The following CLMP variants were observed in gnomAD, a reference collection of about 807,000 sequenced individuals.
CLMP encodes CXADR-like membrane protein.
In CLMP, 27 loss-of-function variants were observed where a neutral mutation model predicts 45.2. The ratio of observed to expected loss-of-function variants is 0.60; its 90% confidence interval spans 0.44 to 0.82. The LOEUF is 0.82. CLMP is among the 40% of genes least tolerant of loss of function. CLMP has a pLI of 0.00. For synonymous variants in CLMP, 167 were observed against 171.4 expected, an observed-to-expected ratio of 0.97 and a Z score of 0.20; for missense variants, 403 against 448.4, an observed-to-expected ratio of 0.90 and a Z score of 0.91.
At chr11:123,136,038 G>T (rs1350351943) in intron 1 of CLMP, 13 of 586,140 alleles carry the variant, frequency 2.2e-5, no homozygotes, top group Non-Finnish European at 4.4e-5. Flanking sequence ...TGCTTTGTTC[G>T]CTCGTTTCTT....
chr11:123,082,264 T>A (rs1340850527), intron 5 of CLMP, among the ~76,000 whole-genome samples: 2 of 152,230 alleles, frequency 1.3e-5, no homozygotes, highest in Non-Finnish European at 1.5e-5. Flanking sequence ...TGAATTTCTT[T>A]AGGGGGCTGG....
At chr11:123,118,626 G>C (rs951113714) in intron 1 of CLMP, among the ~76,000 whole-genome samples, 4 of 152,162 alleles carry the variant, frequency 2.6e-5, no homozygotes, top group Admixed American at 1.3e-4. Flanking sequence ...GACTAACCCA[G>C]ACTTCCACTT....
At chr11:123,120,828 A>G (rs1565388584) in intron 1 of CLMP, among the ~76,000 whole-genome samples, 1 of 152,082 alleles carries the variant, frequency 6.6e-6, no homozygotes, top group Non-Finnish European at 1.5e-5. Flanking sequence ...ATTCAGAGAT[A>G]CTAAAAAGCT....
chr11:123,097,788 T>C lies in CLMP; in HGVS notation c.186+7A>G, dbSNP rs113227209. ...GGAGGAGGGACTCCAGCCAGGTGTC[T>C]ACTTACCACTTTTTGGTTCCCTTCA... On this transcript the variant is annotated splice_region_variant and intron_variant, in intron 2 of 6. Transcript: ENST00000448775. 3.7e-5 allele frequency: 58 copies of C among 1,577,158 alleles called. No homozygotes were observed. The African/African-American group carries it at 7.3e-4, about 20-fold the overall frequency.
rs77429336 is a variant in CLMP at position 123,122,272 on chromosome 11, T to G, written c.29-24320A>C. Among the ~76,000 whole-genome samples the G allele has an allele frequency of 2.6e-3, 402 of 152,290 alleles. 6 individuals carry two copies. Among genetic ancestry groups the G allele is most frequent in the African/African-American group, 9.4e-3 (390 of 41,558 alleles). On this transcript the variant is annotated intron_variant, in intron 1 of 6. Transcript: ENST00000448775. ...TTCAAGAGACCCTCTCAAGCTTTCC[T>G]AGTACTGGGATTACAGGCGTGAGCC...
At chr11:123,113,081 A>G (rs1860665819) in intron 1 of CLMP, among the ~76,000 whole-genome samples, 1 of 152,196 alleles carries the variant, frequency 6.6e-6, no homozygotes, top group Admixed American at 6.5e-5. Flanking sequence ...CCAGTACCCA[A>G]TTTTTAATTA....
At chr11:123,166,783 G>C (rs1861563124) in intron 1 of CLMP, among the ~76,000 whole-genome samples, 1 of 152,176 alleles carries the variant, frequency 6.6e-6, no homozygotes, top group Non-Finnish European at 1.5e-5. Context: ...AGAGGATTTT[G>C]AATGTTCTCA....
chr11:123,101,707 G>T (rs192431638), intron 1 of CLMP, among the ~76,000 whole-genome samples: 1,529 of 152,232 alleles, frequency 0.01, 12 homozygotes, highest in Admixed American at 0.016. Flanking sequence ...TTATTCCTGG[G>T]CTATTGGGCC....
At chr11:123,150,535 ACAAGCAAGGAAGGAAGGAAGGAAG>A (rs1861317854) in intron 1 of CLMP, among the ~76,000 whole-genome samples, 1 of 97,392 alleles carries the variant, frequency 1.0e-5, no homozygotes, top group African/African-American at 4.4e-5. Flanking sequence ...AAGGAAAGAA[ACAAGCAAGGAAGGAAGGAAGGAAG>A]GAAAGGAAGG....
Position 123,084,806 on chromosome 11 carries a change from G to A in CLMP, c.187-93C>T, listed in dbSNP as rs1254591875. On this transcript the variant is annotated intron_variant, in intron 2 of 6. Coordinates refer to ENST00000448775, the MANE Select transcript of CLMP (RefSeq NM_024769.5). The stretch of plus-strand genomic sequence containing the variant: ...AAGAGGAAAGGGAGTACTCCCAGTG[G>A]CACAAAGTAGTCAAGCCTGGGGCTG... 4 of 1,061,766 alleles carry A rather than the reference G, an allele frequency of 3.8e-6. No homozygotes were observed. The Admixed American group carries it at 5.8e-5, about 16-fold the overall frequency. The allele number at this position is 1,061,766 out of a possible 1,614,324, so 65.8% of individuals were successfully genotyped here.
chr11:123,167,661 C>T (rs1046761622), intron 1 of CLMP, among the ~76,000 whole-genome samples: 1 of 152,196 alleles, frequency 6.6e-6, no homozygotes, highest in African/African-American at 2.4e-5. Flanking sequence ...TTCCATGCTA[C>T]CTCTTACCCT....
rs1159640435 is a variant in CLMP, at chr11:123,141,489, T to C, written c.29-43537A>G. Among the ~76,000 whole-genome samples the C allele has an allele frequency of 2.0e-5, 3 of 152,228 alleles. No individual in the cohort carries two copies. The East Asian group carries it at 5.8e-4, about 29-fold the overall frequency. ...GTGAGCCACCGCGCCCGGCCAGGCA[T>C]TCCTTGATAGCAATGCAAAATAGAC... On this transcript the variant is annotated intron_variant, in intron 1 of 6. Coordinates refer to ENST00000448775, the MANE Select transcript of CLMP (RefSeq NM_024769.5).
chr11:123,087,508 CA>C (rs59112247), intron 2 of CLMP, among the ~76,000 whole-genome samples: 3 of 148,852 alleles, frequency 2.0e-5, no homozygotes, highest in Non-Finnish European at 4.5e-5. Flanking sequence ...GATTCTGTCT[CA>C]AAAAAATAAA....
chr11:123,157,418 G>C (rs1861429158), intron 1 of CLMP, among the ~76,000 whole-genome samples: 1 of 152,188 alleles, frequency 6.6e-6, no homozygotes, highest in Admixed American at 6.5e-5. Flanking sequence ...CCCCGGCGTG[G>C]TGGCACATGC....
intron 5 of CLMP, 82 bp from the exon 6 acceptor site, chr11:123,074,925 G>A: frequency 6.9e-7 from 1 of 1,453,080 alleles, no homozygotes; most frequent in South Asian, 1.3e-5. Flanking sequence ...CATAAGCTCT[G>A]GACAGAATGA....
At chr11:123,189,541 T>G (rs910755027) in intron 1 of CLMP, among the ~76,000 whole-genome samples, 3 of 152,208 alleles carry the variant, frequency 2.0e-5, no homozygotes, top group Non-Finnish European at 2.9e-5. Context: ...TTAATTATAC[T>G]GTCATAATAT....
chr11:123,087,166 C>T (rs780329816), intron 2 of CLMP, among the ~76,000 whole-genome samples: 14 of 151,976 alleles, frequency 9.2e-5, no homozygotes, highest in East Asian at 1.9e-4. Context: ...GGTGAAACCC[C>T]GTCTCTACTA....
intron 1 of CLMP, among the ~76,000 whole-genome samples, chr11:123,120,818 A>G (rs1300512681): frequency 6.6e-6 from 1 of 152,078 alleles, no homozygotes; most frequent in African/African-American, 2.4e-5. Flanking sequence ...CTCATGTTAT[A>G]TTCAGAGATA....
chr11:123,135,860 C>A, intron 1 of CLMP: 1 of 450,116 alleles, frequency 2.2e-6, no homozygotes, highest in East Asian at 6.1e-5. Flanking sequence ...TTGAAAGACC[C>A]CTTATTGCTG....
Sources: allele counts gnomAD v4.1 joint callset (sites outside exome capture counted in the v4.1 genomes callset), GRCh38; gene constraint gnomAD v4.1.1; transcripts MANE v1.5; gene names NCBI Gene and HGNC (gene_info 2026-07-23, HGNC 2026-07-21).